SMARCD1: variants seen among roughly 807,000 people sequenced by gnomAD.
SMARCD1 encodes SWI/SNF related BAF chromatin remodeling complex subunit D1, also known as SWI/SNF-related matrix-associated actin-dependent regulator of chromatin subfamily D member 1.
SMARCD1 carries 16 observed loss-of-function variants against 70.8 expected under a neutral mutation model. The ratio of observed to expected loss-of-function variants is 0.23; its 90% CI spans 0.15 to 0.34. The LOEUF (loss-of-function observed/expected upper bound fraction) is 0.34, where lower values mean the gene tolerates loss of function less well. Ranked by LOEUF, SMARCD1 falls within the 10% of genes least tolerant of loss-of-function variation. The probability of loss-of-function intolerance (pLI) is 1.00; values close to 1 mark genes in which losing one functional copy is unlikely to be tolerated. For missense variants in SMARCD1, 409 were observed against 655.5 expected (o/e 0.62, Z 4.11); for synonymous variants, 249 against 246.0 (o/e 1.01, Z -0.11).
rs567942393 is a variant in SMARCD1 at position 50,088,147 on chromosome 12, C to G, written c.655-374C>G. ...CCATCTGCTGGTGGTGTCATTCTGT[C>G]CAAATAAAGCTGTTTTTGTTCTGGC... On this transcript the variant is annotated intron_variant, in intron 5 of 12. Transcript: ENST00000394963. 6.0e-5 allele frequency: 40 copies of G among 663,360 alleles called. No individual in the cohort carries two copies. The East Asian group carries it at 1.0e-3, about 17-fold the overall frequency. The allele number at this position is 663,360 out of a possible 1,614,324, so 41.1% of individuals were successfully genotyped here. A position where few individuals can be genotyped will look rare whatever the true frequency, so the allele number is the denominator to read the frequency against.
In SMARCD1 at chr12:50,086,898, G is replaced by T. The variant is rs750995242; in HGVS notation, c.531+20G>T. 1.1e-5 allele frequency: 17 copies of T among 1,613,118 alleles called. No homozygotes were observed. Among genetic ancestry groups the T allele is most frequent in the Non-Finnish European group, 1.4e-5 (16 of 1,179,724 alleles). ...ATCAAGGTAACACAGGAAAGTACTA[G>T]GCAGAGAGCCAAAGGAGAGGACCCA... On this transcript the variant is annotated intron_variant, in intron 4 of 12. Coordinates refer to ENST00000394963, the MANE Select transcript of SMARCD1 (RefSeq NM_003076.5).
intron 9 of SMARCD1, among the ~76,000 whole-genome samples, chr12:50,091,663 G>A (rs1006469705): frequency 4.0e-5 from 6 of 151,890 alleles, no homozygotes; most frequent in African/African-American, 7.3e-5. Flanking sequence ...TGAAACCTCC[G>A]CCACCTGAGT....
In SMARCD1 at chr12:50,088,421, G is replaced by A. The variant is rs554614843; in HGVS notation, c.655-100G>A. 5.5e-6 allele frequency: 4 copies of A among 721,334 alleles called. No individual in the cohort carries two copies. In the South Asian group the frequency reaches 6.6e-5, roughly 12 times the overall value. The allele number at this position is 721,334 out of a possible 1,614,324, so 44.7% of individuals were successfully genotyped here. On this transcript the variant is annotated intron_variant, in intron 5 of 12. Coordinates refer to ENST00000394963, the MANE Select transcript of SMARCD1 (RefSeq NM_003076.5). ...GAGATATTCAGAAGATATTTTTTGA[G>A]TTTTTTTCCATTGTTGTTGGGGTTC...
chr12:50,090,957 C>T (rs1169506367), intron 9 of SMARCD1, among the ~76,000 whole-genome samples: 13 of 150,546 alleles, frequency 8.6e-5, no homozygotes, highest in African/African-American at 2.2e-4. Flanking sequence ...CCCGAGTAGC[C>T]GGGACTACAG....
intron 9 of SMARCD1, among the ~76,000 whole-genome samples, chr12:50,090,915 C>G (rs1250064945): frequency 1.3e-5 from 2 of 150,076 alleles, no homozygotes; most frequent in Non-Finnish European, 3.0e-5. Flanking sequence ...AGCTCCGCCT[C>G]CTGGGTTCAC....
Position 50,085,354 on chromosome 12 carries a change from C to T in SMARCD1, c.-16C>T. The T allele has an allele frequency of 1.6e-6, 2 of 1,262,492 alleles. No individual in the cohort carries two copies. Among genetic ancestry groups the T allele is most frequent in the South Asian group, 3.7e-5 (1 of 27,146 alleles). 78.2% of individuals were successfully genotyped at this position (1,262,492 alleles called of 1,614,324 possible). The stretch of plus-strand genomic sequence containing the variant: ...GTTCCGGTTCTTTGTGCGGCTGCAT[C>T]GGCGGCTCCGGGAAGATGGCGGCCC... On this transcript the variant is annotated 5_prime_UTR_variant, in exon 1 of 13. Coordinates refer to ENST00000394963, the MANE Select transcript of SMARCD1 (RefSeq NM_003076.5).
At chr12:50,088,925 G>A in intron 6 of SMARCD1, 1 of 213,256 alleles carries the variant, frequency 4.7e-6, no homozygotes, top group Non-Finnish European at 9.2e-6. Context: ...TATGTGCCAG[G>A]CCATCTCTGT....
At chr12:50,096,757 G>C (rs1950896496) in intron 10 of SMARCD1, 93 bp from the exon 11 acceptor site, 1 of 1,188,044 alleles carries the variant, frequency 8.4e-7, no homozygotes, top group Admixed American at 2.0e-5. Context: ...TGACTAGGTT[G>C]GAAGTGGCAT....
chr12:50,097,327 G>A (rs1950901119), intron 11 of SMARCD1, among the ~76,000 whole-genome samples: 1 of 152,142 alleles, frequency 6.6e-6, no homozygotes, highest in South Asian at 2.1e-4. Flanking sequence ...GAGGCCGACG[G>A]ATCGCTTGAG....
At chr12:50,089,167 C>T (rs1414132928) in intron 6 of SMARCD1, 2 of 152,266 alleles carry the variant, frequency 1.3e-5, no homozygotes, top group Non-Finnish European at 2.9e-5. Context: ...CAACAGTATT[C>T]TTTGGGAAAC....
intron 10 of SMARCD1, among the ~76,000 whole-genome samples, chr12:50,094,891 G>A (rs1000409266): frequency 5.3e-5 from 8 of 152,162 alleles, no homozygotes; most frequent in African/African-American, 1.7e-4. Context: ...TCCACTTCCT[G>A]GGTTCAAGCG....
chr12:50,098,454 GTGTC>G, intron 11 of SMARCD1: 1 of 499,270 alleles, frequency 2.0e-6, no homozygotes, highest in Non-Finnish European at 3.6e-6. Context: ...CCTTCTGTAT[GTGTC>G]TGTCTCCATG....
Position 50,099,101 on chromosome 12 carries a change from G to A in SMARCD1, c.*101G>A, listed in dbSNP as rs1950917541. 9.2e-7 allele frequency: 1 copy of A among 1,089,868 alleles called. No homozygotes were observed. Among genetic ancestry groups the A allele is most frequent in the African/African-American group, 1.5e-5 (1 of 64,780 alleles). The allele number at this position is 1,089,868 out of a possible 1,614,324, so 67.5% of individuals were successfully genotyped here. ...CCTTGGTCTTGCTTGGGGCGTTCCA[G>A]GGGATGCTGTTGGTTCAAGGACAAC... On this transcript the variant is annotated 3_prime_UTR_variant, in exon 13 of 13. Coordinates refer to ENST00000394963, the MANE Select transcript of SMARCD1 (RefSeq NM_003076.5).
chr12:50,099,278 A>G lies in SMARCD1; in HGVS notation c.*278A>G. On this transcript the variant is annotated 3_prime_UTR_variant, in exon 13 of 13. Coordinates refer to ENST00000394963, the MANE Select transcript of SMARCD1 (RefSeq NM_003076.5). Reference sequence around the variant, plus strand: ...GACCTCTAGATAGTGTTAGAGAGAGAACATGTAGTGGTAATGAGTGCTTGG... The same window carrying G: ...GACCTCTAGATAGTGTTAGAGAGAGGACATGTAGTGGTAATGAGTGCTTGG... The G allele has an allele frequency of 1.8e-6, 1 of 570,448 alleles. No homozygotes were observed. The highest frequency in any genetic ancestry group is 3.1e-6 in the Non-Finnish European group (1 of 321,048). 35.3% of individuals were successfully genotyped at this position (570,448 alleles called of 1,614,324 possible). A position where few individuals can be genotyped will look rare whatever the true frequency, so the allele number is the denominator to read the frequency against.
At chr12:50,091,094 G>A (rs146866762) in intron 9 of SMARCD1, among the ~76,000 whole-genome samples, 1 of 151,810 alleles carries the variant, frequency 6.6e-6, no homozygotes, top group Non-Finnish European at 1.5e-5. Flanking sequence ...TGCCCGCCTC[G>A]GCCTCCCAAA....
At position 50,094,580 on chromosome 12, in the gene SMARCD1, T is replaced by C; in HGVS notation, c.1269+8T>C. On this transcript the variant is annotated splice_region_variant and intron_variant, in intron 10 of 12. Transcript: ENST00000394963. ...GCTACTCTAGACAACAAGGTAGGGG[T>C]CTGTGCCCTGGATAGTTGGGTACCA... The C allele has an allele frequency of 6.2e-7, 1 of 1,613,470 alleles. No homozygotes were observed. Among genetic ancestry groups the C allele is most frequent in the Non-Finnish European group, 8.5e-7 (1 of 1,179,780 alleles).
At chr12:50,094,353 T>C in intron 9 of SMARCD1, 84 bp from the exon 10 acceptor site, 1 of 1,390,760 alleles carries the variant, frequency 7.2e-7, no homozygotes. Flanking sequence ...CCTTTTCTCT[T>C]CATCCTGGGT....
chr12:50,098,874 TG>T (rs1950915617), intron 12 of SMARCD1, 59 bp downstream of exon 12: 1 of 1,585,870 alleles, frequency 6.3e-7, no homozygotes, highest in African/African-American at 1.3e-5. Flanking sequence ...TCACCCCTGA[TG>T]GGGGTCAGTG....
intron 10 of SMARCD1, 73 bp from the exon 11 acceptor site, chr12:50,096,776 GT>G: frequency 6.9e-7 from 1 of 1,457,404 alleles, no homozygotes; most frequent in Non-Finnish European, 9.4e-7. Flanking sequence ...ATGTGGAGTT[GT>G]CAGGCACCAC....
Sources: allele counts gnomAD v4.1 joint callset (sites outside exome capture counted in the v4.1 genomes callset), GRCh38; gene constraint gnomAD v4.1.1; transcripts MANE v1.5; gene names NCBI Gene and HGNC (gene_info 2026-07-23, HGNC 2026-07-21).